Variants in SYT1 observed in about 807,000 individuals in gnomAD.
The protein encoded by SYT1 is synaptotagmin-1.
A neutral mutation model predicts 44.8 loss-of-function variants in SYT1; 8 were observed. The observed-to-expected ratio is 0.18, with a 90% CI of 0.10 to 0.32. The LOEUF is 0.32. Among genes scored for constraint, SYT1 ranks in the 10% least tolerant of loss-of-function variants. SYT1 has a pLI of 1.00. For missense variants in SYT1, 286 were observed against 509.3 expected, an observed-to-expected ratio of 0.56 and a Z score of 4.22; for synonymous variants, 154 against 188.8, an observed-to-expected ratio of 0.82 and a Z score of 1.51.
intron 3 of SYT1, among the ~76,000 whole-genome samples, chr12:79,182,484 A>G (rs1285681985): frequency 2.6e-5 from 4 of 152,070 alleles, no homozygotes; most frequent in Non-Finnish European, 5.9e-5. Context: ...ATGAGAATAT[A>G]CCTCCTGGAC....
intron 9 of SYT1, among the ~76,000 whole-genome samples, chr12:79,397,521 C>T (rs896947639): frequency 2.0e-5 from 3 of 152,118 alleles, no homozygotes; most frequent in East Asian, 1.9e-4. Context: ...AGCTACCATG[C>T]GTGGCCCATC....
At chr12:79,021,475 G>C (rs1872189602) in intron 2 of SYT1, among the ~76,000 whole-genome samples, 1 of 151,756 alleles carries the variant, frequency 6.6e-6, no homozygotes, top group Non-Finnish European at 1.5e-5. Context: ...GAGGAGATGA[G>C]CCTAAAATAC....
At chr12:78,881,210 C>G (rs1874435538) in intron 1 of SYT1, among the ~76,000 whole-genome samples, 1 of 151,556 alleles carries the variant, frequency 6.6e-6, no homozygotes, top group Non-Finnish European at 1.5e-5. Flanking sequence ...AAATACTTCC[C>G]TCCTGTCCCT....
At chr12:79,096,719 G>A (rs992555796) in intron 3 of SYT1, among the ~76,000 whole-genome samples, 1 of 152,002 alleles carries the variant, frequency 6.6e-6, no homozygotes, top group Non-Finnish European at 1.5e-5. Flanking sequence ...AATCATGAAA[G>A]ATCAGGGTAG....
chr12:79,283,692 A>G (rs1256810662), intron 4 of SYT1, among the ~76,000 whole-genome samples: 1 of 152,188 alleles, frequency 6.6e-6, no homozygotes, highest in Non-Finnish European at 1.5e-5. Flanking sequence ...ATGAAGTATT[A>G]TGAATGATAT....
intron 9 of SYT1, among the ~76,000 whole-genome samples, chr12:79,408,729 CTTTTTTT>C (rs200830513): frequency 7.1e-6 from 1 of 141,286 alleles, no homozygotes; most frequent in Admixed American, 7.1e-5. Flanking sequence ...CCTTTTCTTT[CTTTTTTT>C]TTTTTTTCCA....
chr12:79,204,993 C>T (rs1214134711), intron 3 of SYT1, among the ~76,000 whole-genome samples: 1 of 70,724 alleles, frequency 1.4e-5, no homozygotes, highest in Non-Finnish European at 2.7e-5. Context: ...GAGACGGAGT[C>T]TCTCTTTGTC....
chr12:79,156,414 G>A (rs1321395059), intron 3 of SYT1, among the ~76,000 whole-genome samples: 1 of 152,070 alleles, frequency 6.6e-6, no homozygotes, highest in East Asian at 1.9e-4. Context: ...ACTGTAGGCT[G>A]TTCAGTTAAT....
At chr12:78,958,719 A>G (rs574680182) in intron 1 of SYT1, among the ~76,000 whole-genome samples, 1 of 151,896 alleles carries the variant, frequency 6.6e-6, no homozygotes, top group Non-Finnish European at 1.5e-5. Flanking sequence ...AAAACTATGC[A>G]TTATTGTTTA....
At chr12:78,950,406 A>G (rs1878899654) in intron 1 of SYT1, among the ~76,000 whole-genome samples, 1 of 152,056 alleles carries the variant, frequency 6.6e-6, no homozygotes, top group Non-Finnish European at 1.5e-5. Flanking sequence ...TTCTAGTGGA[A>G]TTTACATTTT....
chr12:79,179,532 GATATAGATATAGAGATATA>G (rs1565842535), intron 3 of SYT1, among the ~76,000 whole-genome samples: 1,535 of 118,638 alleles, frequency 0.013, 66 homozygotes, highest in Middle Eastern at 0.064. Context: ...TATAGATATA[GATATAGATATAGAGATATA>G]GATATAGATT....
chr12:79,304,580 A>G (rs61928791), intron 8 of SYT1, among the ~76,000 whole-genome samples: 11,103 of 152,112 alleles, frequency 0.073, 584 homozygotes, highest in African/African-American at 0.15. Flanking sequence ...CCTCTTTTTC[A>G]TCCTGTTTCC....
chr12:79,048,571 G>C (rs893027345), intron 3 of SYT1, among the ~76,000 whole-genome samples: 1 of 151,834 alleles, frequency 6.6e-6, no homozygotes, highest in African/African-American at 2.4e-5. Flanking sequence ...TTTTGTTGTA[G>C]TTATGAACGG....
chr12:78,877,373 C>T (rs1216732785), intron 1 of SYT1, among the ~76,000 whole-genome samples: 3 of 151,562 alleles, frequency 2.0e-5, no homozygotes, highest in Non-Finnish European at 3.0e-5. Flanking sequence ...CGTTACCTCC[C>T]ACTCTGTCCC....
chr12:79,122,350 TAAAAATACA>T (rs1450831629), intron 3 of SYT1, among the ~76,000 whole-genome samples: 2 of 149,920 alleles, frequency 1.3e-5, no homozygotes, highest in African/African-American at 4.9e-5. Flanking sequence ...CCGTCTCTAC[TAAAAATACA>T]AAAAATTAGC....
intron 1 of SYT1, among the ~76,000 whole-genome samples, chr12:78,930,105 A>G (rs891514009): frequency 2.6e-5 from 4 of 152,196 alleles, no homozygotes; most frequent in Admixed American, 1.3e-4. Flanking sequence ...ATTGCACTGC[A>G]TAGTGACTAC....
intron 3 of SYT1, among the ~76,000 whole-genome samples, chr12:79,186,908 G>A (rs184694044): frequency 1.2e-3 from 187 of 151,934 alleles, no homozygotes; most frequent in African/African-American, 4.3e-3. Context: ...ACCAATTCCT[G>A]GAGATGACAA....
intron 8 of SYT1, among the ~76,000 whole-genome samples, chr12:79,331,325 A>G (rs1881844722): frequency 6.6e-6 from 1 of 152,166 alleles, no homozygotes. Flanking sequence ...AAAAGTGGTC[A>G]TATATATCTA....
chr12:79,157,287 C>A (rs1208529521), intron 3 of SYT1, among the ~76,000 whole-genome samples: 1 of 152,186 alleles, frequency 6.6e-6, no homozygotes, highest in African/African-American at 2.4e-5. Flanking sequence ...ATCATTCACC[C>A]TTTGCATTGA....
Sources: allele counts gnomAD v4.1 joint callset (sites outside exome capture counted in the v4.1 genomes callset), GRCh38; gene constraint gnomAD v4.1.1; transcripts MANE v1.5; gene names NCBI Gene and HGNC (gene_info 2026-07-23, HGNC 2026-07-21).